The following MACO1 variants were observed in gnomAD, a reference collection of about 807,000 sequenced individuals.
The protein encoded by MACO1 is macoilin.
Under a neutral mutation model 78.7 loss-of-function variants are expected in MACO1, and 14 were observed. That is an observed-to-expected ratio of 0.18 (90% CI 0.12 to 0.28). The LOEUF (loss-of-function observed/expected upper bound fraction) is 0.28, where lower values mean the gene tolerates loss of function less well. MACO1 is among the 10% of genes least tolerant of loss of function. The pLI, the probability that MACO1 is intolerant of heterozygous loss-of-function variation, is 1.00. For missense variants in MACO1, 501 were observed against 799.0 expected, an observed-to-expected ratio of 0.63 and a Z score of 4.50; for synonymous variants, 288 against 291.6, an observed-to-expected ratio of 0.99 and a Z score of 0.12.
intron 10 of MACO1, among the ~76,000 whole-genome samples, chr1:25,497,085 G>A (rs933155716): frequency 5.3e-5 from 8 of 152,130 alleles, no homozygotes; most frequent in African/African-American, 7.2e-5. Flanking sequence ...GGTGTGTTAA[G>A]AATCTAGGAG....
At chr1:25,486,033 T>A (rs1214147059) in intron 8 of MACO1, among the ~76,000 whole-genome samples, 1 of 152,230 alleles carries the variant, frequency 6.6e-6, no homozygotes, top group African/African-American at 2.4e-5. Flanking sequence ...ATCACCATGT[T>A]TCCCATACCT....
At chr1:25,475,646 TGA>T (rs2043315770) in intron 6 of MACO1, among the ~76,000 whole-genome samples, 1 of 152,146 alleles carries the variant, frequency 6.6e-6, no homozygotes, top group African/African-American at 2.4e-5. Flanking sequence ...TGGGCAAATC[TGA>T]GAGTGTCAGT....
At chr1:25,465,921 T>C (rs751345178) in intron 6 of MACO1, among the ~76,000 whole-genome samples, 3 of 152,250 alleles carry the variant, frequency 2.0e-5, no homozygotes, top group African/African-American at 7.2e-5. Flanking sequence ...TTTCTACCCA[T>C]GTTGCTGCAA....
chr1:25,493,815 C>T (rs902334672), intron 10 of MACO1, among the ~76,000 whole-genome samples: 9 of 147,404 alleles, frequency 6.1e-5, no homozygotes, highest in Admixed American at 1.4e-4. Flanking sequence ...GCACTGCAAG[C>T]TCCAGCTCCC....
intron 3 of MACO1, among the ~76,000 whole-genome samples, chr1:25,449,796 A>T (rs1257404098): frequency 6.6e-6 from 1 of 152,268 alleles, no homozygotes; most frequent in African/African-American, 2.4e-5. Context: ...AGGCAGGCAG[A>T]TCACCTGAGG....
intron 6 of MACO1, 68 bp downstream of exon 6, chr1:25,458,960 A>C (rs35530120): frequency 3.9e-6 from 6 of 1,534,216 alleles, no homozygotes; most frequent in Non-Finnish European, 5.3e-6. Flanking sequence ...ACATACTCCC[A>C]TATGGGCCTG....
intron 8 of MACO1, among the ~76,000 whole-genome samples, chr1:25,488,806 T>TTTTA (rs879809119): frequency 8.8e-4 from 133 of 151,662 alleles, no homozygotes; most frequent in Middle Eastern, 3.4e-3. Context: ...TTTTTTAAAA[T>TTTTA]TTTATTTATT....
At position 25,481,072 on chromosome 1, in the gene MACO1, G is replaced by T. The variant is rs971722378; in HGVS notation, c.1155-3044G>T. ...TCATTGGATTTTTACATTTTTCAAG[G>T]AACTCTAAAATTTCGCTCAGAATAA... On this transcript the variant is annotated intron_variant, in intron 6 of 10. Coordinates refer to ENST00000374343, the MANE Select transcript of MACO1 (RefSeq NM_018202.6). Among the ~76,000 whole-genome samples, 14 of 149,742 alleles carry T rather than the reference G, an allele frequency of 9.3e-5. 1 individual carries two copies. The South Asian group carries it at 2.3e-3, about 25-fold the overall frequency.
chr1:25,473,419 T>C (rs2043292082), intron 6 of MACO1, among the ~76,000 whole-genome samples: 1 of 152,142 alleles, frequency 6.6e-6, no homozygotes, highest in Non-Finnish European at 1.5e-5. Context: ...GGAAGGTGAT[T>C]ATGGTGTATG....
chr1:25,472,535 A>G (rs554922928), intron 6 of MACO1, among the ~76,000 whole-genome samples: 41 of 152,162 alleles, frequency 2.7e-4, no homozygotes, highest in Admixed American at 1.6e-3. Flanking sequence ...TTCTGTTCCA[A>G]CCTTCTCTCC....
intron 6 of MACO1, among the ~76,000 whole-genome samples, chr1:25,469,510 A>G (rs976975490): frequency 3.9e-5 from 6 of 152,156 alleles, no homozygotes; most frequent in Non-Finnish European, 1.5e-5. Context: ...CTCTGTGACT[A>G]GACTTTCCTG....
In MACO1 at chr1:25,498,577, A is replaced by G. The variant is rs1370749827; in HGVS notation, c.*111A>G. The G allele has an allele frequency of 2.0e-6, 2 of 1,008,568 alleles. No homozygotes were observed. Among genetic ancestry groups the G allele is most frequent in the South Asian group, 1.7e-5 (1 of 59,716 alleles). 62.5% of individuals were successfully genotyped at this position (1,008,568 alleles called of 1,614,324 possible). A position where few individuals can be genotyped will look rare whatever the true frequency, so the allele number is the denominator to read the frequency against. ...TTTCTATTGTATTTTGTGGAACTGT[A>G]TCTGTTGTCATTTTTAAAAAGGGGG... On this transcript the variant is annotated 3_prime_UTR_variant, in exon 11 of 11. Coordinates refer to ENST00000374343, the MANE Select transcript of MACO1 (RefSeq NM_018202.6).
intron 6 of MACO1, among the ~76,000 whole-genome samples, chr1:25,463,768 T>C (rs1464118580): frequency 6.6e-6 from 1 of 152,260 alleles, no homozygotes; most frequent in East Asian, 1.9e-4. Context: ...CAAATTGCTG[T>C]TAAAATTTTG....
intron 10 of MACO1, among the ~76,000 whole-genome samples, chr1:25,496,441 C>T (rs567361414): frequency 6.6e-6 from 1 of 152,290 alleles, no homozygotes; most frequent in East Asian, 1.9e-4. Context: ...AGCCACCACA[C>T]CTGGCCAGCA....
intron 1 of MACO1, among the ~76,000 whole-genome samples, chr1:25,436,504 T>C (rs749122496): frequency 2.4e-4 from 36 of 152,134 alleles, no homozygotes; most frequent in Non-Finnish European, 1.5e-4. Flanking sequence ...TTATTTTACT[T>C]GGCTCTTGCT....
intron 4 of MACO1, among the ~76,000 whole-genome samples, 173 bp from the exon 5 acceptor site, chr1:25,456,480 G>C (rs1482555166): frequency 6.6e-6 from 1 of 152,146 alleles, no homozygotes; most frequent in Admixed American, 6.5e-5. Flanking sequence ...AGTTGCTTCT[G>C]ATTTCCACAG....
intron 9 of MACO1, 128 bp downstream of exon 9, chr1:25,489,421 C>T (rs1303569488): frequency 4.6e-6 from 5 of 1,082,784 alleles, no homozygotes; most frequent in Non-Finnish European, 6.3e-6. Flanking sequence ...TGAAAAATCT[C>T]TATGTGACAA....
At position 25,458,083 on chromosome 1, in the gene MACO1, A is replaced by G. The variant is rs1169028060; in HGVS notation, c.653-308A>G. ...GCGAGTTTGATTTGACTAATACACA[A>G]AGTGTGACCTAATTATAAAACCCTG... On this transcript the variant is annotated intron_variant, in intron 5 of 10. Coordinates refer to ENST00000374343, the MANE Select transcript of MACO1 (RefSeq NM_018202.6). Among the ~76,000 whole-genome samples, 6 of 152,298 alleles carry G rather than the reference A, an allele frequency of 3.9e-5. No homozygotes were observed. The South Asian group carries it at 1.0e-3, about 26-fold the overall frequency.
At chr1:25,441,559 A>G (rs1046633232) in intron 1 of MACO1, among the ~76,000 whole-genome samples, 1 of 152,252 alleles carries the variant, frequency 6.6e-6, no homozygotes, top group African/African-American at 2.4e-5. Flanking sequence ...CTAAGGAGAT[A>G]AAACAGGGAA....
Sources: allele counts gnomAD v4.1 joint callset (sites outside exome capture counted in the v4.1 genomes callset), GRCh38; gene constraint gnomAD v4.1.1; transcripts MANE v1.5; gene names NCBI Gene and HGNC (gene_info 2026-07-23, HGNC 2026-07-21).